The following FNBP1 variants were observed in gnomAD, a reference collection of about 807,000 sequenced individuals.
FNBP1 encodes formin-binding protein 1.
Under a neutral mutation model 90.6 loss-of-function variants are expected in FNBP1, and 26 were observed. The ratio of observed to expected loss-of-function variants is 0.29; its 90% confidence interval spans 0.21 to 0.40. The LOEUF (loss-of-function observed/expected upper bound fraction) is 0.40, where lower values mean the gene tolerates loss of function less well. FNBP1 is among the 10% of genes least tolerant of loss of function. The pLI, the probability that FNBP1 is intolerant of heterozygous loss-of-function variation, is 1.00. For missense variants in FNBP1, 635 were observed against 768.0 expected (o/e 0.83, Z 2.05); for synonymous variants, 260 against 265.2 (o/e 0.98, Z 0.19).
chr9:130,002,028 CAAAAA>C (rs56320987), intron 1 of FNBP1, among the ~76,000 whole-genome samples: 6 of 83,132 alleles, frequency 7.2e-5, no homozygotes, highest in Admixed American at 1.3e-4. Flanking sequence ...ACTTCTGCCT[CAAAAA>C]AAAAAAAAAA....
At chr9:129,978,691 T>A in intron 3 of FNBP1, 79 bp from the exon 4 acceptor site, 1 of 1,437,288 alleles carries the variant, frequency 7.0e-7, no homozygotes. Flanking sequence ...AAGAAAATAT[T>A]AATTAAAATC....
At chr9:129,965,991 G>A (rs1457499859) in intron 4 of FNBP1, among the ~76,000 whole-genome samples, 1 of 152,162 alleles carries the variant, frequency 6.6e-6, no homozygotes, top group African/African-American at 2.4e-5. Context: ...TAGATAGAGT[G>A]CCAGGGTGAT....
Position 129,900,497 on chromosome 9 carries a change from C to A in FNBP1, c.1479G>T (p.Ala493=). The change falls in exon 14 of 17, where the codon GCG becomes GCT. Residue 493 remains alanine, a synonymous_variant. Coordinates refer to ENST00000446176, the MANE Select transcript of FNBP1 (RefSeq NM_015033.3). The surrounding 1 kb of genome is among the most constrained non-coding windows in gnomAD (Gnocchi z 4.1). ...EGRLPARSEQ[A]RRQSGLYDSQ... is the part of the protein sequence containing the mutation. Reference sequence around the variant, plus strand: ...TGTCGTACAGTCCGCTCTGCCGGCGCGCCTGCTCGCTGCGTGCTGGGAGCC... The same window carrying A: ...TGTCGTACAGTCCGCTCTGCCGGCGAGCCTGCTCGCTGCGTGCTGGGAGCC... 1 of 1,599,666 alleles carries A rather than the reference C, an allele frequency of 6.3e-7. No individual in the cohort carries two copies. Among genetic ancestry groups the A allele is most frequent in the Non-Finnish European group, 8.5e-7 (1 of 1,174,218 alleles).
At chr9:129,891,528 T>TC (rs2035106749) in intron 16 of FNBP1, among the ~76,000 whole-genome samples, 1 of 152,092 alleles carries the variant, frequency 6.6e-6, no homozygotes, top group Non-Finnish European at 1.5e-5. Context: ...AACATGAAGG[T>TC]CCAATTCTCT....
chr9:129,887,595 G>A lies in FNBP1; in HGVS notation c.*2944C>T, dbSNP rs1400748709. The A allele has an allele frequency of 3.2e-4, 69 of 214,944 alleles. No individual in the cohort carries two copies. The East Asian group carries it at 4.7e-3, about 15-fold the overall frequency. The allele number at this position is 214,944 out of a possible 1,614,324, so 13.3% of individuals were successfully genotyped here. A position where few individuals can be genotyped will look rare whatever the true frequency, so the allele number is the denominator to read the frequency against. On this transcript the variant is annotated 3_prime_UTR_variant, in exon 17 of 17. Transcript: ENST00000446176. ...AAAGGCATCGAGACCTTTGCGCTGCGCTGGTTAGACAAGCCGCAGGCTTAT... is the reference window on the plus strand; with the variant it reads ...AAAGGCATCGAGACCTTTGCGCTGCACTGGTTAGACAAGCCGCAGGCTTAT...
chr9:129,959,051 T>C (rs2047395746), intron 4 of FNBP1, among the ~76,000 whole-genome samples: 1 of 100,440 alleles, frequency 1.0e-5, no homozygotes. Context: ...AAAACAAGAA[T>C]AGTCATCACA....
intron 10 of FNBP1, among the ~76,000 whole-genome samples, chr9:129,921,168 A>G (rs2041021482): frequency 6.6e-6 from 1 of 152,212 alleles, no homozygotes; most frequent in Non-Finnish European, 1.5e-5. Context: ...TGAGATTCTC[A>G]TATTAAAAGA....
At chr9:129,903,203 C>A (rs972617296) in intron 12 of FNBP1, among the ~76,000 whole-genome samples, 10 of 152,078 alleles carry the variant, frequency 6.6e-5, no homozygotes, top group African/African-American at 2.4e-4. Context: ...AGGTGCATGC[C>A]ACCACACCCA....
intron 4 of FNBP1, among the ~76,000 whole-genome samples, chr9:129,970,905 G>T (rs542678622): frequency 4.1e-4 from 62 of 152,164 alleles, no homozygotes; most frequent in Non-Finnish European, 6.9e-4. Context: ...GTTTTGTTTT[G>T]AGATGGAGTC....
upstream of FNBP1, chr9:130,043,227 C>T (rs2059997702): frequency 3.1e-5 from 10 of 326,196 alleles, no homozygotes; most frequent in East Asian, 4.5e-4. Flanking sequence ...ACCCGGAGAG[C>T]GGGGGAGGGG....
chr9:130,020,199 T>C (rs2057681101), intron 1 of FNBP1, among the ~76,000 whole-genome samples: 1 of 152,138 alleles, frequency 6.6e-6, no homozygotes, highest in South Asian at 2.1e-4. Flanking sequence ...CAGAATGGTC[T>C]TTTGACTTTT....
chr9:129,969,270 T>C (rs1353977577), intron 4 of FNBP1, among the ~76,000 whole-genome samples: 1 of 152,220 alleles, frequency 6.6e-6, no homozygotes, highest in Non-Finnish European at 1.5e-5. Flanking sequence ...CTACTATAAT[T>C]ATCTGAACAT....
chr9:130,038,243 T>A, intron 1 of FNBP1, among the ~76,000 whole-genome samples: 1 of 150,892 alleles, frequency 6.6e-6, no homozygotes, highest in Non-Finnish European at 1.5e-5. Context: ...TAGTCCCAGC[T>A]ACTCCGGAGG....
intron 1 of FNBP1, among the ~76,000 whole-genome samples, chr9:129,999,957 G>C (rs1181941729): frequency 6.6e-6 from 1 of 152,110 alleles, no homozygotes; most frequent in Non-Finnish European, 1.5e-5. Flanking sequence ...ACACAGATAC[G>C]TAGCTAGAAA....
At chr9:130,008,895 G>A (rs766188892) in intron 1 of FNBP1, among the ~76,000 whole-genome samples, 2 of 152,076 alleles carry the variant, frequency 1.3e-5, no homozygotes, top group African/African-American at 2.4e-5. Context: ...ACCGACCCAG[G>A]AAAGGAAGAA....
intron 7 of FNBP1, among the ~76,000 whole-genome samples, chr9:129,928,922 C>G (rs2042313213): frequency 6.6e-6 from 1 of 151,934 alleles, no homozygotes; most frequent in African/African-American, 2.4e-5. Flanking sequence ...AAGACCCTAT[C>G]TCTATAAAAA....
intron 6 of FNBP1, among the ~76,000 whole-genome samples, chr9:129,931,837 T>A (rs2042790253): frequency 6.9e-6 from 1 of 145,516 alleles, no homozygotes; most frequent in African/African-American, 2.6e-5. Context: ...AACAAGAAAA[T>A]TAAGACCTAA....
At chr9:130,047,960 CTTA>C (rs778780868), upstream of FNBP1, among the ~76,000 whole-genome samples, 18 of 152,240 alleles carry the variant, frequency 1.2e-4, no homozygotes, top group Middle Eastern at 3.4e-3. Context: ...TGTTCCACTA[CTTA>C]TTAGTTGTGT....
intron 8 of FNBP1, among the ~76,000 whole-genome samples, chr9:129,926,433 C>T (rs896743910): frequency 2.6e-5 from 4 of 152,112 alleles, no homozygotes; most frequent in Non-Finnish European, 5.9e-5. Flanking sequence ...TTTTGCCCTC[C>T]CAGAGGACAT....
Sources: allele counts gnomAD v4.1 joint callset (sites outside exome capture counted in the v4.1 genomes callset), GRCh38; gene constraint gnomAD v4.1.1; non-coding constraint Gnocchi (gnomAD v3.1); transcripts MANE v1.5; gene names NCBI Gene and HGNC (gene_info 2026-07-23, HGNC 2026-07-21).